IFT56: variants seen among roughly 807,000 people sequenced by gnomAD.
IFT56 encodes intraflagellar transport 56, also known as intraflagellar transport protein 56.
chr7:139,174,151 A>G, the IFT56 span: 2 of 594,312 alleles, frequency 3.4e-6, no homozygotes, highest in Non-Finnish European at 6.6e-6. Flanking sequence ...AGTATCATGA[A>G]GCACATGATC....
At chr7:139,151,051 A>T in the IFT56 span, among the ~76,000 whole-genome samples, 2 of 152,272 alleles carry the variant, frequency 1.3e-5, no homozygotes, top group African/African-American at 4.8e-5. Context: ...ATGCTTGCAC[A>T]AAGTTGATGC....
chr7:139,152,439 A>G, the IFT56 span, among the ~76,000 whole-genome samples: 3 of 152,230 alleles, frequency 2.0e-5, no homozygotes, highest in Non-Finnish European at 4.4e-5. Context: ...TTCTGATATT[A>G]TCTTCTAATA....
At chr7:139,144,350 A>C in the IFT56 span, among the ~76,000 whole-genome samples, 17 of 152,204 alleles carry the variant, frequency 1.1e-4, no homozygotes, top group African/African-American at 3.8e-4. Flanking sequence ...GATGTTAGCC[A>C]TCAGTCTAAT....
chr7:139,154,282 T>C, the IFT56 span, among the ~76,000 whole-genome samples: 1 of 152,084 alleles, frequency 6.6e-6, no homozygotes, highest in Non-Finnish European at 1.5e-5. Flanking sequence ...ATCCTATAGA[T>C]TTTTTCATTT....
At chr7:139,159,594 C>T in the IFT56 span, among the ~76,000 whole-genome samples, 1 of 152,134 alleles carries the variant, frequency 6.6e-6, no homozygotes, top group Non-Finnish European at 1.5e-5. Context: ...TCCTTGTCAC[C>T]TGGCACAATA....
chr7:139,173,341 C>T, the IFT56 span: 1 of 462,148 alleles, frequency 2.2e-6, no homozygotes, highest in Non-Finnish European at 3.8e-6. Flanking sequence ...GATTTTCTTG[C>T]CTCAGCCTCC....
chr7:139,150,718 G>T, the IFT56 span, among the ~76,000 whole-genome samples: 3 of 152,194 alleles, frequency 2.0e-5, no homozygotes, highest in East Asian at 5.8e-4. Flanking sequence ...GTATTACATT[G>T]TTCAGTGTCT....
At chr7:139,173,296 C>T in the IFT56 span, 68 of 402,094 alleles carry the variant, frequency 1.7e-4, no homozygotes, top group African/African-American at 1.5e-3. Context: ...GGTGTGATCT[C>T]GGCTCACTGC....
chr7:139,148,468 A>T, the IFT56 span: 1 of 1,232,476 alleles, frequency 8.1e-7, no homozygotes. Flanking sequence ...GTTATCTGTA[A>T]CTCTTGATTA....
At chr7:139,185,014 A>T in the IFT56 span, among the ~76,000 whole-genome samples, 2 of 150,068 alleles carry the variant, frequency 1.3e-5, no homozygotes, top group South Asian at 4.2e-4. Context: ...AGATCGCGCC[A>T]CTGCACTCCA....
At chr7:139,135,940 T>A in the IFT56 span, among the ~76,000 whole-genome samples, 1 of 152,124 alleles carries the variant, frequency 6.6e-6, no homozygotes, top group Non-Finnish European at 1.5e-5. Flanking sequence ...TTTCTTTTTT[T>A]GAGTTGGAGT....
chr7:139,134,664 A>G, the IFT56 span: 3 of 1,606,912 alleles, frequency 1.9e-6, no homozygotes, highest in Middle Eastern at 1.7e-4. Flanking sequence ...GATGCTTTCA[A>G]GGGCCAAACC....
chr7:139,189,641 A>G, the IFT56 span: 1 of 373,030 alleles, frequency 2.7e-6, no homozygotes, highest in Non-Finnish European at 4.9e-6. Context: ...TGATCCTAGT[A>G]GCAATAAGAT....
the IFT56 span, among the ~76,000 whole-genome samples, chr7:139,151,844 C>T: frequency 6.6e-6 from 1 of 152,192 alleles, no homozygotes; most frequent in African/African-American, 2.4e-5. Context: ...GGTGGATCAC[C>T]TGAGGTCAGG....
chr7:139,133,851 C>A, the IFT56 span: 2 of 1,614,080 alleles, frequency 1.2e-6, no homozygotes, highest in Non-Finnish European at 1.7e-6. Flanking sequence ...ACAAGACCGA[C>A]GTCAAGATGG....
the IFT56 span, chr7:139,148,365 C>A: frequency 6.2e-7 from 1 of 1,609,868 alleles, no homozygotes; most frequent in Non-Finnish European, 8.5e-7. Flanking sequence ...TTTACAATGG[C>A]AGAGCAGCTG....
the IFT56 span, among the ~76,000 whole-genome samples, chr7:139,151,730 T>C: frequency 6.6e-6 from 1 of 152,252 alleles, no homozygotes; most frequent in African/African-American, 2.4e-5. Flanking sequence ...CACATTGATC[T>C]GTTTCTTTAT....
chr7:139,140,469 A>G, the IFT56 span, among the ~76,000 whole-genome samples: 2 of 152,204 alleles, frequency 1.3e-5, no homozygotes, highest in Non-Finnish European at 2.9e-5. Context: ...TAAGAATAAA[A>G]GGGAAACATG....
At chr7:139,152,842 T>C in the IFT56 span, among the ~76,000 whole-genome samples, 2 of 152,202 alleles carry the variant, frequency 1.3e-5, no homozygotes, top group Non-Finnish European at 2.9e-5. Flanking sequence ...TCTTAGGACA[T>C]TTCATTATCT....
Sources: allele counts gnomAD v4.1 joint callset (sites outside exome capture counted in the v4.1 genomes callset), GRCh38; gene constraint gnomAD v4.1.1; transcripts MANE v1.5; gene names NCBI Gene and HGNC (gene_info 2026-07-23, HGNC 2026-07-21).